PEX5L: variants seen among roughly 807,000 people sequenced by gnomAD.
PEX5L encodes the protein peroxisomal biogenesis factor 5 like, also known as PEX5-related protein.
Under a neutral mutation model 84.0 loss-of-function variants are expected in PEX5L, and 30 were observed. The observed-to-expected ratio is 0.36, with a 90% confidence interval of 0.27 to 0.48. The LOEUF (loss-of-function observed/expected upper bound fraction) is 0.48, where lower values mean the gene tolerates loss of function less well. Among genes scored for constraint, PEX5L ranks in the 20% least tolerant of loss-of-function variants. The probability of loss-of-function intolerance (pLI) is 0.99; values close to 1 mark genes in which losing one functional copy is unlikely to be tolerated. For missense variants in PEX5L, 533 were observed against 754.6 expected (o/e 0.71, Z 3.44); for synonymous variants, 270 against 283.1 (o/e 0.95, Z 0.46).
At chr3:179,971,461 C>T (rs1784718216) in intron 2 of PEX5L, 133 bp downstream of exon 2, 1 of 1,273,656 alleles carries the variant, frequency 7.9e-7, no homozygotes, top group African/African-American at 1.5e-5. Context: ...CTTAGCTGCT[C>T]TCAAAATCTT....
At chr3:179,811,638 T>C (rs561349127) in intron 11 of PEX5L, among the ~76,000 whole-genome samples, 163 bp downstream of exon 11, 3 of 152,364 alleles carry the variant, frequency 2.0e-5, no homozygotes, top group South Asian at 2.1e-4. Context: ...TCATTCTAAG[T>C]TGTTTTTCAG....
At chr3:179,980,067 A>G (rs1786176746) in intron 1 of PEX5L, among the ~76,000 whole-genome samples, 1 of 152,204 alleles carries the variant, frequency 6.6e-6, no homozygotes, top group Admixed American at 6.5e-5. Flanking sequence ...GGCATTCTGT[A>G]TCCTCACTTA....
intron 1 of PEX5L, among the ~76,000 whole-genome samples, chr3:179,980,452 C>A (rs1786220512): frequency 6.6e-6 from 1 of 152,178 alleles, no homozygotes; most frequent in African/African-American, 2.4e-5. Context: ...GCCTTGACAA[C>A]TGCAGGCATC....
intron 2 of PEX5L, among the ~76,000 whole-genome samples, chr3:179,917,356 C>G (rs1767573969): frequency 6.6e-6 from 1 of 151,570 alleles, no homozygotes; most frequent in Non-Finnish European, 1.5e-5. Flanking sequence ...TTAAAATAAG[C>G]TGAAGGAGTA....
chr3:179,963,613 T>C (rs1782607593), intron 2 of PEX5L, among the ~76,000 whole-genome samples: 1 of 152,176 alleles, frequency 6.6e-6, no homozygotes, highest in Non-Finnish European at 1.5e-5. Flanking sequence ...ACAGACTATT[T>C]TGTCTGATTA....
At chr3:179,961,420 T>G (rs1035022072) in intron 2 of PEX5L, among the ~76,000 whole-genome samples, 3 of 151,292 alleles carry the variant, frequency 2.0e-5, no homozygotes, top group African/African-American at 7.3e-5. Flanking sequence ...ATATATGCAG[T>G]GTCAGAATAA....
At chr3:179,875,803 T>C (rs973073526) in intron 5 of PEX5L, among the ~76,000 whole-genome samples, 1 of 152,192 alleles carries the variant, frequency 6.6e-6, no homozygotes. Context: ...ATTCTGAATC[T>C]TGTATATAAG....
intron 7 of PEX5L, among the ~76,000 whole-genome samples, chr3:179,871,100 CTTTTTTTTTTTTTTT>C (rs397801213): frequency 1.1e-5 from 1 of 95,032 alleles, no homozygotes; most frequent in African/African-American, 4.5e-5. Context: ...TTGAGTTATA[CTTTTTTTTTTTTTTT>C]TTTTTTTGGC....
At chr3:179,857,569 T>C (rs1194268149) in intron 8 of PEX5L, among the ~76,000 whole-genome samples, 1 of 152,226 alleles carries the variant, frequency 6.6e-6, no homozygotes, top group Non-Finnish European at 1.5e-5. Context: ...GATTTGTGAA[T>C]ATATGTATCT....
At chr3:180,024,105 C>A (rs1302111323) in intron 1 of PEX5L, among the ~76,000 whole-genome samples, 1 of 151,882 alleles carries the variant, frequency 6.6e-6, no homozygotes, top group African/African-American at 2.4e-5. Flanking sequence ...ATTATTTGCA[C>A]AAAGGTAGTA....
intron 2 of PEX5L, among the ~76,000 whole-genome samples, chr3:179,950,983 G>A (rs895504875): frequency 6.6e-6 from 1 of 152,210 alleles, no homozygotes; most frequent in Non-Finnish European, 1.5e-5. Flanking sequence ...AACTCTACAA[G>A]ATGTAAGTCC....
At chr3:179,991,979 G>C (rs9820519) in intron 1 of PEX5L, among the ~76,000 whole-genome samples, 2,677 of 152,240 alleles carry the variant, frequency 0.018, 84 homozygotes, top group African/African-American at 0.061. Flanking sequence ...TATAAAAGTA[G>C]CATATTAGAC....
At chr3:179,928,474 C>T (rs1772111341) in intron 2 of PEX5L, among the ~76,000 whole-genome samples, 1 of 152,114 alleles carries the variant, frequency 6.6e-6, no homozygotes, top group African/African-American at 2.4e-5. Context: ...CCTTCCTTCC[C>T]CACTTAAGCT....
chr3:179,818,844 TTTTC>T (rs1553832897), intron 9 of PEX5L, among the ~76,000 whole-genome samples: 1 of 109,422 alleles, frequency 9.1e-6, no homozygotes, highest in Non-Finnish European at 2.2e-5. Flanking sequence ...TTTTCTTTTC[TTTTC>T]TTTTTTTTTT....
chr3:179,917,347 T>TAAA (rs1163578592), intron 2 of PEX5L, among the ~76,000 whole-genome samples: 3 of 151,428 alleles, frequency 2.0e-5, no homozygotes, highest in African/African-American at 7.3e-5. Context: ...TTTTTTTTTT[T>TAAA]AAAATAAGCT....
chr3:179,866,941 G>T (rs1418914866), intron 7 of PEX5L, among the ~76,000 whole-genome samples: 1 of 147,894 alleles, frequency 6.8e-6, no homozygotes, highest in Non-Finnish European at 1.5e-5. Flanking sequence ...CAGGAGAATT[G>T]CTTGAACCTG....
intron 2 of PEX5L, among the ~76,000 whole-genome samples, chr3:179,970,964 T>C (rs1207569808): frequency 6.6e-6 from 1 of 152,156 alleles, no homozygotes; most frequent in Non-Finnish European, 1.5e-5. Flanking sequence ...GCTGGAAACC[T>C]TCCATTACCT....
intron 10 of PEX5L, among the ~76,000 whole-genome samples, chr3:179,813,135 TAAGAA>T (rs1724545111): frequency 6.6e-6 from 1 of 152,324 alleles, no homozygotes; most frequent in South Asian, 2.1e-4. Context: ...GAATGCTTCT[TAAGAA>T]AAGATTGATG....
intron 12 of PEX5L, among the ~76,000 whole-genome samples, chr3:179,808,661 G>A (rs953019311): frequency 2.0e-5 from 3 of 152,154 alleles, no homozygotes; most frequent in African/African-American, 7.2e-5. Flanking sequence ...ACTGTGCTAA[G>A]TAAGGTCTTC....
Sources: allele counts gnomAD v4.1 joint callset (sites outside exome capture counted in the v4.1 genomes callset), GRCh38; gene constraint gnomAD v4.1.1; transcripts MANE v1.5; gene names NCBI Gene and HGNC (gene_info 2026-07-23, HGNC 2026-07-21).